Variants in PCDHGA5 observed in about 807,000 individuals in gnomAD.
PCDHGA5 encodes protocadherin gamma subfamily A, 5, also known as protocadherin gamma-A5.
A neutral mutation model predicts 56.7 loss-of-function variants in PCDHGA5; 36 were observed. That is an observed-to-expected ratio of 0.64 (90% CI 0.49 to 0.84). PCDHGA5 has a LOEUF of 0.84. PCDHGA5 is among the 40% of genes least tolerant of loss of function. PCDHGA5 has a pLI of 0.00. For missense variants in PCDHGA5, 1,305 were observed against 1,201.5 expected, an observed-to-expected ratio of 1.09 and a Z score of -1.27; for synonymous variants, 563 against 520.2, an observed-to-expected ratio of 1.08 and a Z score of -1.12.
At position 141,413,304 on chromosome 5, in the gene PCDHGA5, A is replaced by T; in HGVS notation, c.2421+46553A>T. The T allele has an allele frequency of 1.9e-6, 3 of 1,613,982 alleles. No individual in the cohort carries two copies. The Admixed American group carries it at 5.0e-5, about 27-fold the overall frequency. On this transcript the variant is annotated intron_variant, in intron 1 of 3. Transcript: ENST00000518069. Reference sequence around the variant, plus strand: ...TCTCCTACTCAATTCCTGAGGAATTAGAGAAAGGCTCTTTCGTGGGCAACA... The same window carrying T: ...TCTCCTACTCAATTCCTGAGGAATTTGAGAAAGGCTCTTTCGTGGGCAACA...
At chr5:141,478,620 G>A (rs1400703951) in intron 1 of PCDHGA5, 2 of 1,555,472 alleles carry the variant, frequency 1.3e-6, no homozygotes, top group East Asian at 2.4e-5. Context: ...AAGGAATGGA[G>A]CTGTTTTTTT....
chr5:141,381,355 C>A (rs1431564536), intron 1 of PCDHGA5, among the ~76,000 whole-genome samples: 1 of 152,222 alleles, frequency 6.6e-6, no homozygotes, highest in Non-Finnish European at 1.5e-5. Flanking sequence ...TTTCTGCTAG[C>A]AGAGGGTAGC....
chr5:141,421,388 G>A (rs369403750), intron 1 of PCDHGA5: 1 of 1,613,934 alleles, frequency 6.2e-7, no homozygotes, highest in Non-Finnish European at 8.5e-7. Context: ...AAGGACCTGG[G>A]GCTGGAGCCC....
At chr5:141,417,602 C>T (rs556223277) in intron 1 of PCDHGA5, 2 of 510,170 alleles carry the variant, frequency 3.9e-6, no homozygotes, top group Admixed American at 3.8e-5. Context: ...TGGGCGCCGC[C>T]GTCGGCCAGT....
At chr5:141,462,020 T>G (rs1371390043) in intron 1 of PCDHGA5, among the ~76,000 whole-genome samples, 6 of 152,110 alleles carry the variant, frequency 3.9e-5, no homozygotes, top group Non-Finnish European at 8.8e-5. Flanking sequence ...ACGGGGTTTC[T>G]TCATGTTGGT....
intron 2 of PCDHGA5, among the ~76,000 whole-genome samples, chr5:141,501,290 T>TACAC (rs55762287): frequency 0.051 from 6,975 of 136,060 alleles, 192 homozygotes; most frequent in African/African-American, 0.071. Context: ...TATTCCCTTA[T>TACAC]ACACACACAC....
intron 1 of PCDHGA5, among the ~76,000 whole-genome samples, chr5:141,442,736 A>C (rs2098340663): frequency 6.6e-6 from 1 of 152,226 alleles, no homozygotes; most frequent in African/African-American, 2.4e-5. Flanking sequence ...CCTGTAGGTA[A>C]GGAGCATGTT....
At chr5:141,405,104 C>T in intron 1 of PCDHGA5, 1 of 1,613,940 alleles carries the variant, frequency 6.2e-7, no homozygotes, top group Non-Finnish European at 8.5e-7. Flanking sequence ...CAGGCTGAGG[C>T]ACTGGCACTC....
intron 2 of PCDHGA5, among the ~76,000 whole-genome samples, chr5:141,499,829 G>A (rs1322405697): frequency 6.6e-6 from 1 of 151,548 alleles, no homozygotes; most frequent in African/African-American, 2.4e-5. Context: ...TAGGATTACA[G>A]GTGTGCACCA....
At position 141,385,291 on chromosome 5, in the gene PCDHGA5, C is replaced by T. The variant is rs375490912; in HGVS notation, c.2421+18540C>T. On this transcript the variant is annotated intron_variant, in intron 1 of 3. Coordinates refer to ENST00000518069, the MANE Select transcript of PCDHGA5 (RefSeq NM_018918.3). ...TTCTTTGCTAACATCCGTAGATTTT[C>T]AGGAATGTAAAGAAAACCTGCCAAG... 1.3e-5 allele frequency: 21 copies of T among 1,613,668 alleles called. No individual in the cohort carries two copies. In the African/African-American group the frequency reaches 2.7e-4, roughly 20 times the overall value.
chr5:141,458,409 G>A (rs188300064), intron 1 of PCDHGA5, among the ~76,000 whole-genome samples: 2 of 152,126 alleles, frequency 1.3e-5, no homozygotes, highest in East Asian at 1.9e-4. Context: ...GAGACGGAGC[G>A]GGGGTTCCAA....
intron 3 of PCDHGA5, 44 bp downstream of exon 3, chr5:141,505,525 G>C: frequency 1.2e-6 from 2 of 1,612,490 alleles, no homozygotes; most frequent in Non-Finnish European, 1.7e-6. Flanking sequence ...GAGACCTGGG[G>C]TTCTGGGGTG....
At chr5:141,373,460 C>G (rs919686552) in intron 1 of PCDHGA5, among the ~76,000 whole-genome samples, 2 of 152,198 alleles carry the variant, frequency 1.3e-5, no homozygotes, top group African/African-American at 4.8e-5. Flanking sequence ...GAGGTAGCAG[C>G]TGCAATGAGC....
chr5:141,503,825 CA>C (rs2154593417), intron 2 of PCDHGA5, among the ~76,000 whole-genome samples: 1 of 152,186 alleles, frequency 6.6e-6, no homozygotes, highest in Non-Finnish European at 1.5e-5. Flanking sequence ...TGGGCAAAAC[CA>C]AAAGCAGGGA....
At chr5:141,423,327 A>G in intron 1 of PCDHGA5, 1 of 1,614,100 alleles carries the variant, frequency 6.2e-7, no homozygotes, top group Non-Finnish European at 8.5e-7. Flanking sequence ...CGGTGGCCGC[A>G]GTCTCCTGCA....
In PCDHGA5 at chr5:141,371,048, C is replaced by T. The variant is rs1458695026; in HGVS notation, c.2421+4297C>T. 2.5e-6 allele frequency: 4 copies of T among 1,613,772 alleles called. No homozygotes were observed. In the Admixed American group the frequency reaches 6.7e-5, roughly 27 times the overall value. On this transcript the variant is annotated intron_variant, in intron 1 of 3. Coordinates refer to ENST00000518069, the MANE Select transcript of PCDHGA5 (RefSeq NM_018918.3). ...TGGTCCTCACAGCTGTGGATGGGGG[C>T]GAGCCCTCCAGAAGCTGTACCACCC...
chr5:141,466,415 C>T (rs995296505), intron 1 of PCDHGA5, among the ~76,000 whole-genome samples: 6 of 152,136 alleles, frequency 3.9e-5, no homozygotes, highest in Non-Finnish European at 8.8e-5. Context: ...ATTTTTCAGT[C>T]AGAATTGTGT....
At chr5:141,393,503 G>C (rs2092782893) in intron 1 of PCDHGA5, 1 of 1,614,028 alleles carries the variant, frequency 6.2e-7, no homozygotes, top group Non-Finnish European at 8.5e-7. Flanking sequence ...GCATCCACGT[G>C]ACAGTGTTGG....
rs369748404 is a variant in PCDHGA5 at position 141,476,671 on chromosome 5, G to A, written c.2422-18136G>A. The A allele has an allele frequency of 6.2e-7, 1 of 1,614,128 alleles. No homozygotes were observed. Among genetic ancestry groups the A allele is most frequent in the Non-Finnish European group, 8.5e-7 (1 of 1,180,056 alleles). On this transcript the variant is annotated intron_variant, in intron 1 of 3. Coordinates refer to ENST00000518069, the MANE Select transcript of PCDHGA5 (RefSeq NM_018918.3). This position sits in a 1 kb window ranked among gnomAD's most constrained non-coding sequence, Gnocchi z 7.6. ...ATGAATACTTTGCGCTTCGCGTGCA[G>A]ACGCGGGAGGACAGCACCAAGTACG...
Sources: gnomAD v4.1 joint callset for allele counts (sites outside exome capture counted in the v4.1 genomes callset) on GRCh38, gnomAD v4.1.1 for gene constraint, Gnocchi (gnomAD v3.1) non-coding constraint, MANE v1.5 for transcripts, NCBI Gene and HGNC (gene_info 2026-07-23, HGNC 2026-07-21) for gene names.